Variants in MYO16 observed in about 807,000 individuals in gnomAD.
MYO16 encodes myosin XVI.
A neutral mutation model predicts 205.3 loss-of-function variants in MYO16; 94 were observed. The observed-to-expected ratio is 0.46, with a 90% CI of 0.39 to 0.54. The LOEUF (loss-of-function observed/expected upper bound fraction) is 0.54, where lower values mean the gene tolerates loss of function less well. MYO16 is among the 20% of genes least tolerant of loss of function. The probability of loss-of-function intolerance (pLI) is 0.00; values close to 1 mark genes in which losing one functional copy is unlikely to be tolerated. For missense variants in MYO16, 2,315 were observed against 2,387.5 expected (o/e 0.97, Z 0.63); for synonymous variants, 988 against 954.0 (o/e 1.04, Z -0.66).
chr13:108,885,429 G>A (rs1366740826), intron 13 of MYO16, among the ~76,000 whole-genome samples: 4 of 149,038 alleles, frequency 2.7e-5, no homozygotes, highest in African/African-American at 7.4e-5. Context: ...CACTCATTCT[G>A]GACTCAAGGA....
chr13:108,798,849 G>A (rs537330368), intron 6 of MYO16, among the ~76,000 whole-genome samples: 2 of 147,372 alleles, frequency 1.4e-5, no homozygotes, highest in Non-Finnish European at 3.0e-5. Flanking sequence ...GGGACTACAG[G>A]CGCCCGCCAC....
intron 6 of MYO16, among the ~76,000 whole-genome samples, chr13:108,796,660 C>T (rs891718624): frequency 4.6e-5 from 7 of 151,474 alleles, no homozygotes; most frequent in Admixed American, 1.3e-4. Context: ...AGCAAACTAT[C>T]GCAAGGACAA....
At chr13:109,135,992 C>T (rs1243355286) in intron 31 of MYO16, among the ~76,000 whole-genome samples, 6 of 152,130 alleles carry the variant, frequency 3.9e-5, no homozygotes, top group Non-Finnish European at 8.8e-5. Context: ...ATCTTTAGAT[C>T]ATGTTTTTCT....
chr13:108,509,883 C>T, the MYO16 span, among the ~76,000 whole-genome samples: 6 of 152,128 alleles, frequency 3.9e-5, no homozygotes, highest in Admixed American at 3.3e-4. Context: ...TTCCCCCGCC[C>T]AACCCCAACA....
At chr13:108,647,470 A>C (rs1382316755) in intron 1 of MYO16, among the ~76,000 whole-genome samples, 1 of 152,178 alleles carries the variant, frequency 6.6e-6, no homozygotes, top group African/African-American at 2.4e-5. Context: ...TGGAGATTCC[A>C]ATTCTTGTTT....
intron 33 of MYO16, among the ~76,000 whole-genome samples, chr13:109,176,600 A>AAAAAAAAAAAAAAAAC (rs1879198424): frequency 6.7e-6 from 1 of 148,264 alleles, no homozygotes; most frequent in African/African-American, 2.5e-5. Flanking sequence ...AAAAAAAAAA[A>AAAAAAAAAAAAAAAAC]AGACCTCCTT....
At chr13:108,801,629 C>T (rs943012029) in intron 6 of MYO16, among the ~76,000 whole-genome samples, 7 of 152,150 alleles carry the variant, frequency 4.6e-5, no homozygotes, top group African/African-American at 1.7e-4. Context: ...CCAATAGCAC[C>T]ATGATGAAGA....
chr13:109,113,198 T>G (rs909157704), intron 28 of MYO16, among the ~76,000 whole-genome samples: 4 of 152,214 alleles, frequency 2.6e-5, no homozygotes, highest in Non-Finnish European at 5.9e-5. Context: ...AACATTTCAC[T>G]GCTATTTAAC....
intron 23 of MYO16, among the ~76,000 whole-genome samples, chr13:109,023,962 CTATATATTTCTATATG>C (rs1166728237): frequency 1.8e-4 from 24 of 134,236 alleles, no homozygotes; most frequent in African/African-American, 3.5e-4. Context: ...TAAATATATA[CTATATATTTCTATATG>C]TATATATTTC....
At chr13:108,788,988 G>T (rs1206643112) in intron 5 of MYO16, among the ~76,000 whole-genome samples, 6 of 152,136 alleles carry the variant, frequency 3.9e-5, no homozygotes, top group African/African-American at 1.4e-4. Flanking sequence ...CCTCCATGCT[G>T]TTGCTGGGTT....
At chr13:108,570,399 C>A in the MYO16 span, among the ~76,000 whole-genome samples, 2 of 152,232 alleles carry the variant, frequency 1.3e-5, no homozygotes, top group African/African-American at 4.8e-5. Context: ...CAAGTGTGCA[C>A]CACCATAGCT....
chr13:109,170,937 T>C (rs1409496374), intron 33 of MYO16, among the ~76,000 whole-genome samples: 2 of 152,196 alleles, frequency 1.3e-5, no homozygotes, highest in African/African-American at 4.8e-5. Flanking sequence ...ATGCTGTCAT[T>C]AAGTAAAAAC....
chr13:109,092,639 G>A (rs146271114), intron 27 of MYO16, among the ~76,000 whole-genome samples: 78 of 152,248 alleles, frequency 5.1e-4, no homozygotes, highest in African/African-American at 1.8e-3. Flanking sequence ...TAATAGCTGG[G>A]TGATGAAATA....
intron 3 of MYO16, among the ~76,000 whole-genome samples, chr13:108,714,592 C>CTGTGTGTGTG (rs572376937): frequency 6.8e-6 from 1 of 146,680 alleles, no homozygotes; most frequent in East Asian, 2.0e-4. Flanking sequence ...GTGTGTGTGT[C>CTGTGTGTGTG]TGTGTGTGTG....
At chr13:108,911,588 G>T (rs1881268711) in intron 16 of MYO16, among the ~76,000 whole-genome samples, 1 of 152,148 alleles carries the variant, frequency 6.6e-6, no homozygotes, top group Non-Finnish European at 1.5e-5. Context: ...GAGACAACAT[G>T]AAAAGAACAG....
At chr13:108,680,965 T>C (rs1420683904) in intron 2 of MYO16, among the ~76,000 whole-genome samples, 1 of 152,262 alleles carries the variant, frequency 6.6e-6, no homozygotes, top group Non-Finnish European at 1.5e-5. Context: ...GAGTCAAACA[T>C]GTCAAATGTC....
At chr13:109,100,017 A>T (rs1427242089) in intron 27 of MYO16, among the ~76,000 whole-genome samples, 1 of 152,218 alleles carries the variant, frequency 6.6e-6, no homozygotes, top group Non-Finnish European at 1.5e-5. Context: ...AGGCAACAGG[A>T]TGCAACTGCA....
chr13:108,732,527 C>T (rs1403465956), intron 4 of MYO16, among the ~76,000 whole-genome samples: 1 of 152,060 alleles, frequency 6.6e-6, no homozygotes, highest in Non-Finnish European at 1.5e-5. Flanking sequence ...GTGGCAGGGT[C>T]TGTGTATTGG....
chr13:108,642,092 A>G (rs1335492740), intron 1 of MYO16, among the ~76,000 whole-genome samples: 1 of 152,180 alleles, frequency 6.6e-6, no homozygotes, highest in Non-Finnish European at 1.5e-5. Context: ...AATGAGGCCA[A>G]TGATACCATC....
Sources: allele counts gnomAD v4.1 joint callset (sites outside exome capture counted in the v4.1 genomes callset), GRCh38; gene constraint gnomAD v4.1.1; transcripts MANE v1.5; gene names NCBI Gene and HGNC (gene_info 2026-07-23, HGNC 2026-07-21).